SORCS1: variants seen among roughly 807,000 people sequenced by gnomAD.
SORCS1 encodes sortilin related VPS10 domain containing receptor 1.
In SORCS1, 60 loss-of-function variants were observed where a neutral mutation model predicts 146.1. The observed-to-expected ratio is 0.41, with a 90% CI of 0.33 to 0.51. The LOEUF is 0.51. SORCS1 is among the 20% of genes least tolerant of loss of function. The pLI, the probability that SORCS1 is intolerant of heterozygous loss-of-function variation, is 0.21. For synonymous variants in SORCS1, 637 were observed against 584.0 expected (o/e 1.09, Z -1.31); for missense variants, 1,352 against 1,487.6 (o/e 0.91, Z 1.50).
chr10:107,122,163 G>A (rs557123645), intron 1 of SORCS1, among the ~76,000 whole-genome samples: 6 of 152,146 alleles, frequency 3.9e-5, no homozygotes, highest in African/African-American at 9.7e-5. Context: ...GAAAATACCC[G>A]TTCAAATGAC....
chr10:106,909,595 A>G (rs939604748), intron 2 of SORCS1, among the ~76,000 whole-genome samples: 2 of 152,196 alleles, frequency 1.3e-5, no homozygotes, highest in Non-Finnish European at 2.9e-5. Flanking sequence ...TTACTGTCTA[A>G]GTAGGGGGTG....
Position 107,133,674 on chromosome 10 carries a change from CT to C in SORCS1, c.558+30294del, listed in dbSNP as rs376011579. On this transcript the variant is annotated intron_variant, in intron 1 of 25. Transcript: ENST00000263054. ...CAATTCAGCCTCATTGCATTTCTTA[CT>C]TTCTTCCCTTGTGTCTGTTTCACCA... 3.5e-3 allele frequency among the ~76,000 whole-genome samples: 534 copies of C among 152,286 alleles called. 2 individuals are homozygous for C. The highest frequency in any genetic ancestry group is 0.012 in the African/African-American group (508 of 41,560).
chr10:106,633,585 ACT>A (rs1444834549), intron 18 of SORCS1, among the ~76,000 whole-genome samples: 4 of 152,174 alleles, frequency 2.6e-5, no homozygotes, highest in Non-Finnish European at 4.4e-5. Context: ...CAAAATGATC[ACT>A]CTGGCTATGA....
chr10:106,672,728 TG>T, intron 15 of SORCS1, 139 bp downstream of exon 15: 1 of 680,926 alleles, frequency 1.5e-6, no homozygotes, highest in East Asian at 2.5e-5. Flanking sequence ...TTCACTGCTG[TG>T]GAACACAAAT....
intron 2 of SORCS1, among the ~76,000 whole-genome samples, chr10:106,862,561 AC>A (rs1366701356): frequency 6.6e-6 from 1 of 151,670 alleles, no homozygotes; most frequent in African/African-American, 2.4e-5. Context: ...TCTCCATTTC[AC>A]CCCCGACCCA....
chr10:106,841,466 T>C (rs908904380), intron 2 of SORCS1, among the ~76,000 whole-genome samples: 1 of 139,396 alleles, frequency 7.2e-6, no homozygotes, highest in South Asian at 2.3e-4. Flanking sequence ...TGAGACTCCA[T>C]TTCAATAAAA....
At chr10:107,088,931 TATTATTTGTTATTAAG>T (rs1342892148) in intron 1 of SORCS1, among the ~76,000 whole-genome samples, 112 of 152,020 alleles carry the variant, frequency 7.4e-4, no homozygotes, top group African/African-American at 2.7e-3. Flanking sequence ...ATGAGCAAGT[TATTATTTGTTATTAAG>T]ATTATTTGTT....
chr10:107,130,966 A>C (rs1257632868), intron 1 of SORCS1, among the ~76,000 whole-genome samples: 1 of 152,140 alleles, frequency 6.6e-6, no homozygotes, highest in Non-Finnish European at 1.5e-5. Context: ...CCAATCCCCC[A>C]GTAACTTCTA....
chr10:106,819,500 C>A (rs375518171), intron 3 of SORCS1, among the ~76,000 whole-genome samples: 3 of 152,176 alleles, frequency 2.0e-5, no homozygotes, highest in East Asian at 1.9e-4. Context: ...GTATACGTGA[C>A]GAGTGCAGAA....
intron 19 of SORCS1, among the ~76,000 whole-genome samples, chr10:106,627,862 G>A (rs1252649294): frequency 6.6e-6 from 1 of 152,220 alleles, no homozygotes; most frequent in African/African-American, 2.4e-5. Context: ...GGATCCTTGC[G>A]GCAGGTGGAC....
intron 12 of SORCS1, among the ~76,000 whole-genome samples, 183 bp downstream of exon 12, chr10:106,679,073 A>G (rs924145508): frequency 1.3e-5 from 2 of 152,170 alleles, no homozygotes; most frequent in African/African-American, 2.4e-5. Context: ...AAAAAATCAA[A>G]TTCCATAAAT....
At chr10:106,985,392 C>T (rs1255033071) in intron 1 of SORCS1, among the ~76,000 whole-genome samples, 3 of 151,920 alleles carry the variant, frequency 2.0e-5, no homozygotes, top group African/African-American at 7.3e-5. Context: ...TCTTATGCTA[C>T]ATAGAAAACC....
intron 1 of SORCS1, among the ~76,000 whole-genome samples, chr10:106,980,152 G>A (rs1956191062): frequency 6.6e-6 from 1 of 152,134 alleles, no homozygotes; most frequent in Non-Finnish European, 1.5e-5. Context: ...TGCATGCCCT[G>A]AACCAAGAAG....
rs142031926 is a variant in SORCS1, at chr10:106,990,251, A to T, written c.559-33671T>A. On this transcript the variant is annotated intron_variant, in intron 1 of 25. Coordinates refer to ENST00000263054, the MANE Select transcript of SORCS1 (RefSeq NM_052918.5). ...TTCTAAAAACAAGGCCTTCTAACAGATTTGGAAGTCTACTGCTATTTCAAA... is the reference window on the plus strand; with the variant it reads ...TTCTAAAAACAAGGCCTTCTAACAGTTTTGGAAGTCTACTGCTATTTCAAA... Among the ~76,000 whole-genome samples the T allele has an allele frequency of 4.3e-4, 65 of 152,206 alleles. 1 individual carries two copies. The East Asian group carries it at 0.01, about 25-fold the overall frequency.
chr10:106,979,073 G>C (rs1374642516), intron 1 of SORCS1, among the ~76,000 whole-genome samples: 1 of 152,114 alleles, frequency 6.6e-6, no homozygotes, highest in Non-Finnish European at 1.5e-5. Context: ...ATAAAATTTT[G>C]GAGGCTTGGC....
intron 7 of SORCS1, among the ~76,000 whole-genome samples, chr10:106,707,712 A>G (rs891846930): frequency 1.3e-5 from 2 of 152,102 alleles, no homozygotes; most frequent in African/African-American, 4.8e-5. Flanking sequence ...GAGAGAGGGC[A>G]GGAAGGTACA....
chr10:106,977,695 G>A (rs137876106), intron 1 of SORCS1, among the ~76,000 whole-genome samples: 2 of 150,322 alleles, frequency 1.3e-5, no homozygotes, highest in African/African-American at 2.5e-5. Context: ...TATATTTTCA[G>A]TGTATTACTG....
chr10:107,056,478 T>G (rs1205774689), intron 1 of SORCS1, among the ~76,000 whole-genome samples: 1 of 152,200 alleles, frequency 6.6e-6, no homozygotes. Flanking sequence ...CTCTGCCAAT[T>G]TCTGAGAAAG....
At chr10:107,123,804 G>A (rs1488907845) in intron 1 of SORCS1, among the ~76,000 whole-genome samples, 1 of 151,914 alleles carries the variant, frequency 6.6e-6, no homozygotes, top group Non-Finnish European at 1.5e-5. Flanking sequence ...GTTGCAAGGT[G>A]TGGTGGCTCA....
Sources: allele counts gnomAD v4.1 joint callset (sites outside exome capture counted in the v4.1 genomes callset), GRCh38; gene constraint gnomAD v4.1.1; transcripts MANE v1.5; gene names NCBI Gene and HGNC (gene_info 2026-07-23, HGNC 2026-07-21).